Variants in ATP7B observed in about 807,000 individuals in gnomAD.
ATP7B encodes the protein copper-transporting ATPase 2.
A neutral mutation model predicts 118.9 loss-of-function variants in ATP7B; 113 were observed. The observed-to-expected ratio is 0.95, with a 90% CI of 0.82 to 1.11. The LOEUF (loss-of-function observed/expected upper bound fraction) is 1.11. Ranked by LOEUF, ATP7B falls within the 50% of genes most tolerant of loss-of-function variation. ATP7B has a pLI of 0.00. For missense variants in ATP7B, 1,867 were observed against 1,871.4 expected, an observed-to-expected ratio of 1.00 and a Z score of 0.04; for synonymous variants, 777 against 727.4, an observed-to-expected ratio of 1.07 and a Z score of -1.10.
Position 51,974,799 on chromosome 13 carries a change from G to C in ATP7B, c.421C>G (p.Gln141Glu). The change falls in exon 2 of 21, where the codon CAG (glutamine) becomes GAG (glutamate). Residue 141 changes from glutamine (Q) to glutamate (E), a missense_variant. Physicochemically the swap from Gln to Glu is conservative, Grantham distance 29 (BLOSUM62 2). Transcript: ENST00000242839. ...ASWPSRSLPA[Q>E]EAVVKLRVEG... is the part of the protein sequence containing the mutation. ...ACCCGGAGCTTGACCACAGCCTCCT[G>C]GGCAGGCAAGGACCTTGAGGGCCAG... 6.2e-7 allele frequency: 1 copy of C among 1,614,168 alleles called. No individual in the cohort carries two copies. The highest frequency in any genetic ancestry group is 1.6e-4 in the Middle Eastern group (1 of 6,062).
chr13:51,953,107 T>C (rs1359599904), intron 9 of ATP7B, among the ~76,000 whole-genome samples: 1 of 152,240 alleles, frequency 6.6e-6, no homozygotes, highest in East Asian at 1.9e-4. Context: ...TGTGTAAATC[T>C]GTTTGGTGGC....
At chr13:51,991,679 G>A (rs905779926) in intron 1 of ATP7B, among the ~76,000 whole-genome samples, 1 of 152,244 alleles carries the variant, frequency 6.6e-6, no homozygotes, top group South Asian at 2.1e-4. Context: ...GAGAGTTAAG[G>A]AGGGGCTAGA....
intron 1 of ATP7B, 95 bp downstream of exon 1, chr13:52,011,192 G>T (rs1217635333): frequency 1.8e-5 from 28 of 1,589,478 alleles, no homozygotes; most frequent in Admixed American, 5.0e-5. Flanking sequence ...CCTTCCCTGC[G>T]CACCCCCTGG....
chr13:52,003,896 G>A (rs1216065486), intron 1 of ATP7B, among the ~76,000 whole-genome samples: 1 of 152,180 alleles, frequency 6.6e-6, no homozygotes, highest in Admixed American at 6.5e-5. Flanking sequence ...TTGAAAACTG[G>A]CCAAAGTTCT....
At chr13:51,995,286 T>C in intron 1 of ATP7B, 2 of 985,082 alleles carry the variant, frequency 2.0e-6, no homozygotes, top group Non-Finnish European at 2.4e-6. Context: ...CCTTCCAGGC[T>C]TTTTAGCCCA....
At chr13:51,935,078 T>A in intron 20 of ATP7B, 49 bp from the exon 21 acceptor site, 1 of 986,120 alleles carries the variant, frequency 1.0e-6, no homozygotes, top group South Asian at 2.0e-5. Flanking sequence ...GAAACAAGGC[T>A]TTTTTTTTTT....
chr13:51,966,893 A>ACCT (rs1167301078), intron 4 of ATP7B: 1 of 1,612,610 alleles, frequency 6.2e-7, no homozygotes, highest in Non-Finnish European at 8.5e-7. Flanking sequence ...GATGGCAGAA[A>ACCT]CCTCACCACA....
In ATP7B at chr13:51,934,222, G is replaced by T; in HGVS notation, c.*534C>A. ...GGGGTCCCCACTGACAAGCACACAGGAGAGAAAAGGAACAGACTATGTACG... is the reference window on the plus strand; with the variant it reads ...GGGGTCCCCACTGACAAGCACACAGTAGAGAAAAGGAACAGACTATGTACG... On this transcript the variant is annotated 3_prime_UTR_variant, in exon 21 of 21. Transcript: ENST00000242839. 4.8e-6 allele frequency: 1 copy of T among 208,112 alleles called. No individual in the cohort carries two copies. The highest frequency in any genetic ancestry group is 9.9e-6 in the Non-Finnish European group (1 of 101,248). 12.9% of individuals were successfully genotyped at this position (208,112 alleles called of 1,614,324 possible). A position where few individuals can be genotyped will look rare whatever the true frequency, so the allele number is the denominator to read the frequency against.
intron 4 of ATP7B, 50 bp downstream of exon 4, chr13:51,968,394 A>C (rs777907234): frequency 6.2e-7 from 1 of 1,613,654 alleles, no homozygotes; most frequent in South Asian, 1.1e-5. Context: ...TGTGTCCAAA[A>C]TGCAAACTGT....
intron 1 of ATP7B, among the ~76,000 whole-genome samples, chr13:51,978,163 A>T (rs1952219940): frequency 6.6e-6 from 1 of 152,226 alleles, no homozygotes; most frequent in Non-Finnish European, 1.5e-5. Flanking sequence ...AAACACAATA[A>T]GGACAAAAAA....
intron 1 of ATP7B, among the ~76,000 whole-genome samples, chr13:51,992,867 A>C (rs1952983287): frequency 6.7e-6 from 1 of 149,342 alleles, no homozygotes; most frequent in African/African-American, 2.5e-5. Context: ...AGTCCCAGCT[A>C]CTCTGGAGGC....
At chr13:51,941,736 T>C (rs1957345243) in intron 15 of ATP7B, among the ~76,000 whole-genome samples, 1 of 152,222 alleles carries the variant, frequency 6.6e-6, no homozygotes, top group African/African-American at 2.4e-5. Context: ...GAGGTGTCAC[T>C]GAACGGCCAG....
chr13:51,948,545 T>C (rs553594492), intron 12 of ATP7B, among the ~76,000 whole-genome samples: 6 of 152,324 alleles, frequency 3.9e-5, no homozygotes, highest in Admixed American at 3.9e-4. Flanking sequence ...GCTTTTTAAG[T>C]ACATTATCAA....
At chr13:51,973,241 G>T (rs148463012) in intron 2 of ATP7B, among the ~76,000 whole-genome samples, 21 of 152,230 alleles carry the variant, frequency 1.4e-4, no homozygotes, top group Admixed American at 1.3e-3. Flanking sequence ...GGGCCTGGAT[G>T]GTCCCACAGT....
chr13:51,994,521 A>G (rs1326492721), intron 1 of ATP7B, among the ~76,000 whole-genome samples: 1 of 152,248 alleles, frequency 6.6e-6, no homozygotes, highest in Non-Finnish European at 1.5e-5. Flanking sequence ...GAGCATAGTT[A>G]TATCCTTGGT....
At chr13:51,938,749 T>A (rs1224343996) in intron 17 of ATP7B, among the ~76,000 whole-genome samples, 1 of 152,192 alleles carries the variant, frequency 6.6e-6, no homozygotes, top group Non-Finnish European at 1.5e-5. Flanking sequence ...AAAATGTCTA[T>A]CTCAGCCCTT....
chr13:51,944,440 C>A, intron 13 of ATP7B, 149 bp from the exon 14 acceptor site: 1 of 1,048,850 alleles, frequency 9.5e-7, no homozygotes, highest in Non-Finnish European at 1.4e-6. Context: ...GTCGTTCAAT[C>A]TCAGGGTTCA....
chr13:52,002,379 T>A (rs971790417), intron 1 of ATP7B, among the ~76,000 whole-genome samples: 1 of 149,296 alleles, frequency 6.7e-6, no homozygotes, highest in Non-Finnish European at 1.5e-5. Flanking sequence ...TTGGGCAACA[T>A]GGTGAAACCG....
At position 51,937,560 on chromosome 13, in the gene ATP7B, C is replaced by T. The variant is rs752815053; in HGVS notation, c.3819G>A (p.Pro1273=). ...CACCCATGTCTGCCTGGGCCAAGGC[C>T]GGGGAGTCATTGACCCCATCCCCCA... is the stretch of plus-strand genomic sequence containing the variant. ...AMVGDGVNDS[P]ALAQADMGVA... The change falls in exon 18 of 21, where the codon CCG becomes CCA. Residue 1273 remains proline, a synonymous_variant. Transcript: ENST00000242839. The T allele has an allele frequency of 6.8e-6, 11 of 1,614,120 alleles. No individual in the cohort carries two copies. The highest frequency in any genetic ancestry group is 6.7e-5 in the Admixed American group (4 of 60,004).
Sources: gnomAD v4.1 joint callset for allele counts (sites outside exome capture counted in the v4.1 genomes callset) on GRCh38, gnomAD v4.1.1 for gene constraint, MANE v1.5 for transcripts, NCBI Gene and HGNC (gene_info 2026-07-23, HGNC 2026-07-21) for gene names.